TRIO: variants seen among roughly 807,000 people sequenced by gnomAD.
TRIO encodes triple functional domain protein.
A neutral mutation model predicts 351.9 loss-of-function variants in TRIO; 58 were observed. The ratio of observed to expected loss-of-function variants is 0.16; its 90% CI spans 0.13 to 0.21. The LOEUF (loss-of-function observed/expected upper bound fraction) is 0.21, where lower values mean the gene tolerates loss of function less well. TRIO is among the 10% of genes least tolerant of loss of function. The probability of loss-of-function intolerance (pLI) is 1.00; values close to 1 mark genes in which losing one functional copy is unlikely to be tolerated. For missense variants in TRIO, 3,201 were observed against 4,027.8 expected, an observed-to-expected ratio of 0.79 and a Z score of 5.56; for synonymous variants, 1,758 against 1,595.7, an observed-to-expected ratio of 1.10 and a Z score of -2.42.
chr5:14,171,512 T>C (rs2064738130), intron 1 of TRIO, among the ~76,000 whole-genome samples: 2 of 152,312 alleles, frequency 1.3e-5, no homozygotes, highest in South Asian at 4.1e-4. Context: ...TGTAAATTAT[T>C]TGGGCTAATG....
intron 1 of TRIO, among the ~76,000 whole-genome samples, chr5:14,252,270 C>G (rs1219139318): frequency 6.6e-6 from 1 of 152,182 alleles, no homozygotes; most frequent in Non-Finnish European, 1.5e-5. Context: ...AATTCTACAT[C>G]GATTCCTTGC....
intron 40 of TRIO, among the ~76,000 whole-genome samples, chr5:14,474,370 GCT>G: frequency 6.6e-6 from 1 of 152,334 alleles, no homozygotes; most frequent in Middle Eastern, 3.4e-3. Context: ...AGCTGCCGGA[GCT>G]GCTGGCCTGG....
chr5:14,209,384 G>A (rs939812724), intron 1 of TRIO, among the ~76,000 whole-genome samples: 1 of 152,196 alleles, frequency 6.6e-6, no homozygotes. Flanking sequence ...GATGCCACCC[G>A]TGAGCTCTTC....
intron 1 of TRIO, among the ~76,000 whole-genome samples, chr5:14,187,729 A>G (rs1241092049): frequency 6.6e-6 from 1 of 152,254 alleles, no homozygotes; most frequent in Non-Finnish European, 1.5e-5. Flanking sequence ...TTTTATGTGA[A>G]GTACTTTTAA....
chr5:14,413,872 GA>G (rs1749410819), intron 33 of TRIO, among the ~76,000 whole-genome samples: 1 of 152,150 alleles, frequency 6.6e-6, no homozygotes, highest in African/African-American at 2.4e-5. Flanking sequence ...TTTCAGACTC[GA>G]AGCAGGTATT....
chr5:14,267,424 C>T (rs1334772362), intron 1 of TRIO, among the ~76,000 whole-genome samples: 2 of 152,100 alleles, frequency 1.3e-5, no homozygotes, highest in African/African-American at 2.4e-5. Flanking sequence ...GGGGCGGCCA[C>T]CGAGGGCAGC....
At chr5:14,411,795 C>T (rs747021244) in intron 33 of TRIO, among the ~76,000 whole-genome samples, 1 of 151,738 alleles carries the variant, frequency 6.6e-6, no homozygotes, top group African/African-American at 2.4e-5. Context: ...TTTGTAGAGA[C>T]AGTATCGAAC....
chr5:14,438,967 C>T (rs1751813004), intron 34 of TRIO, among the ~76,000 whole-genome samples: 1 of 152,220 alleles, frequency 6.6e-6, no homozygotes. Flanking sequence ...TTCCTCACTC[C>T]CTCATCTGTG....
chr5:14,233,316 TAAAA>T (rs35925373), intron 1 of TRIO, among the ~76,000 whole-genome samples: 3 of 109,238 alleles, frequency 2.7e-5, no homozygotes, highest in Non-Finnish European at 1.8e-5. Flanking sequence ...CCTCGTCTCT[TAAAA>T]AAAAAAAAAA....
chr5:14,431,879 G>A (rs1751181242), intron 34 of TRIO, among the ~76,000 whole-genome samples: 1 of 152,174 alleles, frequency 6.6e-6, no homozygotes, highest in Admixed American at 6.5e-5. Flanking sequence ...CCATATAGCT[G>A]TCTATCTCCC....
At chr5:14,319,522 G>A (rs960977569) in intron 9 of TRIO, among the ~76,000 whole-genome samples, 7 of 152,158 alleles carry the variant, frequency 4.6e-5, no homozygotes, top group Admixed American at 2.0e-4. Context: ...TTAGAAGGAC[G>A]TTACCAGCAG....
In TRIO at chr5:14,482,773, G is replaced by A. The variant is rs1755625431; in HGVS notation, c.6657G>A (p.Lys2219=). 2 of 1,577,030 alleles carry A rather than the reference G, an allele frequency of 1.3e-6. No homozygotes were observed. Among genetic ancestry groups the A allele is most frequent in the Non-Finnish European group, 1.7e-6 (2 of 1,156,926 alleles). The change falls in exon 46 of 57, where the codon AAG becomes AAA. Residue 2219 remains lysine, a splice_region_variant and synonymous_variant. Transcript: ENST00000344204. ...GATTCCTGTTTAAGAACAGTATCAA[G>A]GTAACGTGTGTCTCTGTGTGATTTC... ...MPGFLFKNSI[K]VSCLCLEENV...
chr5:14,340,151 T>C (rs1281436034), intron 11 of TRIO, among the ~76,000 whole-genome samples: 1 of 152,056 alleles, frequency 6.6e-6, no homozygotes, highest in East Asian at 1.9e-4. Context: ...TCCCAGCACT[T>C]TGGGAGGCTG....
intron 44 of TRIO, 90 bp downstream of exon 44, chr5:14,481,374 G>A (rs1362167553): frequency 1.4e-5 from 22 of 1,559,812 alleles, no homozygotes; most frequent in Non-Finnish European, 1.8e-5. Context: ...CTGGCCCTGG[G>A]AGGGGGTCAA....
rs974189549 is a variant in TRIO at position 14,410,599 on chromosome 5, T to C, written c.4959+3927T>C. ...CTTAACGACATTCTGCCTGTTCGAC[T>C]TAATTTATGATGTCTGTTATTAGTT... On this transcript the variant is annotated intron_variant, in intron 33 of 56. Transcript: ENST00000344204. Among the ~76,000 whole-genome samples the C allele has an allele frequency of 1.5e-4, 23 of 152,370 alleles. No homozygotes were observed. In the East Asian group the frequency reaches 3.3e-3, roughly 22 times the overall value.
At chr5:14,482,810 G>T (rs201020425) in intron 46 of TRIO, 37 bp downstream of exon 46, 2 of 1,466,642 alleles carry the variant, frequency 1.4e-6, no homozygotes, top group Non-Finnish European at 1.8e-6. Context: ...CTGTGCCAGC[G>T]CATGTACCCG....
intron 20 of TRIO, among the ~76,000 whole-genome samples, chr5:14,380,197 G>C (rs976530143): frequency 6.6e-6 from 1 of 152,190 alleles, no homozygotes; most frequent in Non-Finnish European, 1.5e-5. Flanking sequence ...CCCTGTCTCC[G>C]TGTCCCTCTT....
intron 1 of TRIO, among the ~76,000 whole-genome samples, chr5:14,200,753 C>G (rs921650163): frequency 1.3e-5 from 2 of 150,054 alleles, no homozygotes; most frequent in Admixed American, 1.3e-4. Context: ...TGGAAATATA[C>G]GACTCCTACT....
intron 13 of TRIO, among the ~76,000 whole-genome samples, chr5:14,363,337 T>C (rs13172149): frequency 0.23 from 34,539 of 152,212 alleles, 4,535 homozygotes; most frequent in Middle Eastern, 0.37. Flanking sequence ...CAAATACTTT[T>C]TCTTTTCTTT....
Sources: gnomAD v4.1 joint callset for allele counts (sites outside exome capture counted in the v4.1 genomes callset) on GRCh38, gnomAD v4.1.1 for gene constraint, MANE v1.5 for transcripts, NCBI Gene and HGNC (gene_info 2026-07-23, HGNC 2026-07-21) for gene names.